The following NMT2 variants were observed in gnomAD, a reference collection of about 807,000 sequenced individuals.
NMT2 encodes N-myristoyltransferase 2.
Under a neutral mutation model 65.4 loss-of-function variants are expected in NMT2, and 35 were observed. That is an observed-to-expected ratio of 0.54 (90% CI 0.41 to 0.71). NMT2 has a LOEUF of 0.71. Ranked by LOEUF, NMT2 falls within the 30% of genes least tolerant of loss-of-function variation. The pLI is 0.00. For synonymous variants in NMT2, 226 were observed against 231.8 expected, an observed-to-expected ratio of 0.98 and a Z score of 0.23; for missense variants, 489 against 611.3, an observed-to-expected ratio of 0.80 and a Z score of 2.11.
chr10:15,132,745 A>C, intron 6 of NMT2, 72 bp downstream of exon 6: 2 of 1,140,478 alleles, frequency 1.8e-6, no homozygotes, highest in Non-Finnish European at 2.6e-6. Flanking sequence ...AGTAACTTTT[A>C]AAGGCCTAAT....
intron 8 of NMT2, among the ~76,000 whole-genome samples, chr10:15,127,267 G>A (rs572384407): frequency 1.3e-4 from 20 of 148,260 alleles, no homozygotes; most frequent in African/African-American, 4.5e-4. Flanking sequence ...ATAACTTTTC[G>A]CCAGGCGTGG....
At chr10:15,158,172 C>G (rs1020613634) in intron 1 of NMT2, among the ~76,000 whole-genome samples, 1 of 151,990 alleles carries the variant, frequency 6.6e-6, no homozygotes, top group South Asian at 2.1e-4. Context: ...AAAAATTAGC[C>G]GGGCATGGTG....
chr10:15,135,341 G>A lies in NMT2; in HGVS notation c.324C>T (p.Ala108=), dbSNP rs774785442. ...GCTTTGCAGCCTCATCAATGTTCCTGGCTGGGCCCTGGCATGCGGATAGCA... is the reference window on the plus strand; with the variant it reads ...GCTTTGCAGCCTCATCAATGTTCCTAGCTGGGCCCTGGCATGCGGATAGCA... ...MELLSACQGP[A]RNIDEAAKHR... The change falls in exon 3 of 12, where the codon GCC becomes GCT. Residue 108 remains alanine, a synonymous_variant. Transcript: ENST00000378165. 1 of 1,614,132 alleles carries A rather than the reference G, an allele frequency of 6.2e-7. No homozygotes were observed. The highest frequency in any genetic ancestry group is 1.3e-5 in the African/African-American group (1 of 75,020).
chr10:15,124,220 CA>C (rs1218974875), intron 8 of NMT2, among the ~76,000 whole-genome samples: 3 of 152,046 alleles, frequency 2.0e-5, no homozygotes, highest in Non-Finnish European at 4.4e-5. Flanking sequence ...AACACCAGAT[CA>C]AAAAAACAAA....
intron 1 of NMT2, among the ~76,000 whole-genome samples, chr10:15,157,877 A>G (rs1244647757): frequency 2.0e-5 from 3 of 152,242 alleles, no homozygotes. Context: ...TGAGAGTCCA[A>G]GAGACTGTAG....
intron 8 of NMT2, among the ~76,000 whole-genome samples, chr10:15,124,693 T>A (rs1846024846): frequency 6.6e-6 from 1 of 152,174 alleles, no homozygotes; most frequent in African/African-American, 2.4e-5. Context: ...GTATCACCCA[T>A]CTGGGCCCAT....
At chr10:15,113,936 C>T (rs1344181341) in intron 9 of NMT2, among the ~76,000 whole-genome samples, 4 of 152,162 alleles carry the variant, frequency 2.6e-5, no homozygotes, top group African/African-American at 9.7e-5. Context: ...GCCTTGCTGA[C>T]TTTTAGAATA....
intron 1 of NMT2, among the ~76,000 whole-genome samples, chr10:15,153,783 G>A (rs1379229424): frequency 2.0e-5 from 3 of 151,902 alleles, no homozygotes; most frequent in Admixed American, 2.0e-4. Context: ...CTGAGTAGCT[G>A]GGACTACAGG....
intron 1 of NMT2, among the ~76,000 whole-genome samples, chr10:15,160,589 C>T (rs1376973582): frequency 6.6e-6 from 1 of 151,634 alleles, no homozygotes; most frequent in Admixed American, 6.6e-5. Context: ...AGCCGGCCAA[C>T]GTGGTGAAAC....
In NMT2 at chr10:15,107,696, T is replaced by C; in HGVS notation, c.*1499A>G. 1.2e-6 allele frequency: 1 copy of C among 855,370 alleles called. No individual in the cohort carries two copies. The highest frequency in any genetic ancestry group is 1.4e-6 in the Non-Finnish European group (1 of 711,700). 53.0% of individuals were successfully genotyped at this position (855,370 alleles called of 1,614,324 possible). On this transcript the variant is annotated 3_prime_UTR_variant, in exon 12 of 12. Transcript: ENST00000378165. ...TCTCGAACCCCTGACCTCAAATGTT[T>C]CGCCCGCCTTGGCCTCCCAAAGTGC...
At chr10:15,139,829 G>C (rs1206451979) in intron 2 of NMT2, 1 of 118,988 alleles carries the variant, frequency 8.4e-6, no homozygotes, top group Non-Finnish European at 1.7e-5. Flanking sequence ...AAGAAAAAAG[G>C]AAATCCACAA....
In NMT2 at chr10:15,109,823, A is replaced by G; in HGVS notation, c.1355T>C (p.Phe452Ser). 1 of 1,607,950 alleles carries G rather than the reference A, an allele frequency of 6.2e-7. No individual in the cohort carries two copies. Among genetic ancestry groups the G allele is most frequent in the Non-Finnish European group, 8.5e-7 (1 of 1,178,258 alleles). Reference protein sequence around the residue: ...ILAKSKGFDVFNALDLMENKT... With the variant: ...ILAKSKGFDVSNALDLMENKT... ...ATTTTCCATCAAATCCAGTGCATTGAATACATCAAATCCTTTCTGCCAATT... is the reference window on the plus strand; with the variant it reads ...ATTTTCCATCAAATCCAGTGCATTGGATACATCAAATCCTTTCTGCCAATT... The change falls in exon 11 of 12, where the codon TTC becomes TCC. Residue 452 changes from phenylalanine (F) to serine (S), a missense_variant. Phe to Ser is a radical substitution (Grantham distance 155, BLOSUM62 -2). Coordinates refer to ENST00000378165, the MANE Select transcript of NMT2 (RefSeq NM_004808.3).
At position 15,106,013 on chromosome 10, in the gene NMT2, G is replaced by A. The variant is rs148284021; in HGVS notation, c.*3182C>T. 2.6e-5 allele frequency: 11 copies of A among 416,980 alleles called. No individual in the cohort carries two copies. The highest frequency in any genetic ancestry group is 6.4e-5 in the African/African-American group (3 of 47,054). 25.8% of individuals were successfully genotyped at this position (416,980 alleles called of 1,614,324 possible). On this transcript the variant is annotated 3_prime_UTR_variant, in exon 12 of 12. Transcript: ENST00000378165. ...TGCTGCAGTTATTTATTTTACTTTC[G>A]AGATAGAGTCTCACTCTGTTGCCCA...
intron 1 of NMT2, among the ~76,000 whole-genome samples, chr10:15,148,210 A>T (rs974397885): frequency 3.3e-5 from 5 of 152,186 alleles, no homozygotes; most frequent in Non-Finnish European, 2.9e-5. Context: ...GGATGTTTTC[A>T]AAAAACAGTA....
At chr10:15,113,401 C>T (rs189056746) in intron 9 of NMT2, among the ~76,000 whole-genome samples, 28 of 129,440 alleles carry the variant, frequency 2.2e-4, no homozygotes, top group African/African-American at 7.4e-4. Flanking sequence ...ACCCCAGAGG[C>T]GGAGGTTGCA....
chr10:15,135,226 A>G, intron 3 of NMT2, 48 bp downstream of exon 3: 1 of 1,528,586 alleles, frequency 6.5e-7, no homozygotes, highest in Non-Finnish European at 9.0e-7. Flanking sequence ...GTTGTTGTTC[A>G]TCCAGCTTTG....
At chr10:15,141,686 T>C in intron 1 of NMT2, 129 bp from the exon 2 acceptor site, 1 of 1,226,022 alleles carries the variant, frequency 8.2e-7, no homozygotes, top group Non-Finnish European at 1.1e-6. Context: ...TGTGTTAGGA[T>C]GTAGGTGAGG....
intron 1 of NMT2, among the ~76,000 whole-genome samples, chr10:15,163,837 A>G (rs1166521642): frequency 1.3e-5 from 2 of 152,180 alleles, no homozygotes; most frequent in Non-Finnish European, 2.9e-5. Context: ...CAAAGTTTTC[A>G]TCTTTGTCCA....
chr10:15,162,230 T>C (rs1026185816), intron 1 of NMT2, among the ~76,000 whole-genome samples: 2 of 128,424 alleles, frequency 1.6e-5, no homozygotes, highest in African/African-American at 6.1e-5. Context: ...CCAGCCCAGA[T>C]GACAGAGTGA....
Sources: allele counts gnomAD v4.1 joint callset (sites outside exome capture counted in the v4.1 genomes callset), GRCh38; gene constraint gnomAD v4.1.1; transcripts MANE v1.5; gene names NCBI Gene and HGNC (gene_info 2026-07-23, HGNC 2026-07-21).